The following CDH18 variants were observed in gnomAD, a reference collection of about 807,000 sequenced individuals.
The protein encoded by CDH18 is cadherin 18.
In CDH18, 31 loss-of-function variants were observed where a neutral mutation model predicts 67.9. That is an observed-to-expected ratio of 0.46 (90% CI 0.34 to 0.62). The LOEUF (loss-of-function observed/expected upper bound fraction) is 0.62. Ranked by LOEUF, CDH18 falls within the 20% of genes least tolerant of loss-of-function variation. The probability of loss-of-function intolerance (pLI) is 0.01; values close to 1 mark genes in which losing one functional copy is unlikely to be tolerated. For synonymous variants in CDH18, 362 were observed against 347.2 expected, an observed-to-expected ratio of 1.04 and a Z score of -0.48; for missense variants, 890 against 975.5, an observed-to-expected ratio of 0.91 and a Z score of 1.17.
In CDH18 at chr5:19,676,630, C is replaced by T. The variant is rs1446983; in HGVS notation, c.643+44717G>A. Among the ~76,000 whole-genome samples, 118 of 152,002 alleles carry T rather than the reference C, an allele frequency of 7.8e-4. No homozygotes were observed. In the East Asian group the frequency reaches 0.016, roughly 21 times the overall value. ...CAGGTAATGGTCTCATGAGCCCAGG[C>T]GTGCACATTAAGAGAAAAAATGGCA... On this transcript the variant is annotated intron_variant, in intron 5 of 12. Coordinates refer to ENST00000382275, the MANE Select transcript of CDH18 (RefSeq NM_004934.5).
rs1285060512 is a variant in CDH18 at position 20,218,392 on chromosome 5, A to G, written c.-518+37052T>C. Among the ~76,000 whole-genome samples the G allele has an allele frequency of 2.0e-5, 3 of 152,104 alleles. No homozygotes were observed. The East Asian group carries it at 5.8e-4, about 29-fold the overall frequency. ...TTGGAAACTATGCAAATACATGGAA[A>G]TTAAACAATATACTCCTGAATGACC... On this transcript the variant is annotated intron_variant, in intron 2 of 14. Transcript: ENST00000507958.
chr5:19,937,323 T>G (rs1295425292), intron 2 of CDH18, among the ~76,000 whole-genome samples: 1 of 151,334 alleles, frequency 6.6e-6, no homozygotes. Flanking sequence ...TAATATGAAC[T>G]GGCATTCTCA....
At chr5:19,491,116 G>C (rs548501151) in intron 11 of CDH18, among the ~76,000 whole-genome samples, 14 of 152,268 alleles carry the variant, frequency 9.2e-5, no homozygotes. Flanking sequence ...ATTCTCTCAA[G>C]GTGCATCTGG....
At chr5:19,758,836 T>C (rs1771973711) in intron 3 of CDH18, among the ~76,000 whole-genome samples, 1 of 152,224 alleles carries the variant, frequency 6.6e-6, no homozygotes, top group African/African-American at 2.4e-5. Context: ...GTCTCACCAA[T>C]AAGTCCACTG....
At chr5:19,674,965 T>A (rs189568119) in intron 5 of CDH18, among the ~76,000 whole-genome samples, 7 of 152,234 alleles carry the variant, frequency 4.6e-5, no homozygotes, top group Non-Finnish European at 7.4e-5. Flanking sequence ...TGGGTCCTTT[T>A]CTATTTTCCC....
At chr5:20,178,452 T>A (rs1039492314) in intron 2 of CDH18, among the ~76,000 whole-genome samples, 1 of 151,844 alleles carries the variant, frequency 6.6e-6, no homozygotes, top group East Asian at 1.9e-4. Context: ...TCCTTTCCAC[T>A]GCTAGCTAAT....
chr5:19,870,952 T>TATC (rs1167290078), intron 2 of CDH18, among the ~76,000 whole-genome samples: 1 of 152,162 alleles, frequency 6.6e-6, no homozygotes, highest in Non-Finnish European at 1.5e-5. Flanking sequence ...TTATTATTAT[T>TATC]ATCATCATCT....
intron 2 of CDH18, among the ~76,000 whole-genome samples, chr5:19,949,309 C>A (rs1369897856): frequency 1.3e-5 from 2 of 151,996 alleles, no homozygotes; most frequent in Non-Finnish European, 2.9e-5. Context: ...TAACAGAAAC[C>A]CATCTAGGTA....
chr5:19,603,066 A>G (rs1041987002), intron 6 of CDH18, among the ~76,000 whole-genome samples: 5 of 152,236 alleles, frequency 3.3e-5, no homozygotes, highest in African/African-American at 1.2e-4. Context: ...TGTTACACCC[A>G]TATTCACAGC....
chr5:20,575,242 AT>A (rs1009957395), intron 1 of CDH18, among the ~76,000 whole-genome samples: 2 of 151,494 alleles, frequency 1.3e-5, no homozygotes, highest in African/African-American at 4.8e-5. Context: ...TAGTGACCTT[AT>A]TTTTGAAAAA....
chr5:20,046,714 G>A lies in CDH18; in HGVS notation c.-517-54700C>T, dbSNP rs759677067. On this transcript the variant is annotated intron_variant, in intron 2 of 14. Coordinates refer to the CDH18 transcript ENST00000507958. ...TCTATATATATATAATCAAAGATGAGGAAGTCAACACATGAAATGTTTAAT... is the reference window on the plus strand; with the variant it reads ...TCTATATATATATAATCAAAGATGAAGAAGTCAACACATGAAATGTTTAAT... Among the ~76,000 whole-genome samples, 17 of 150,500 alleles carry A rather than the reference G, an allele frequency of 1.1e-4. 1 individual carries two copies. The highest frequency in any genetic ancestry group is 1.8e-4 in the Non-Finnish European group (12 of 67,556).
intron 2 of CDH18, among the ~76,000 whole-genome samples, chr5:19,954,000 A>G (rs1444875277): frequency 1.3e-5 from 2 of 152,210 alleles, no homozygotes; most frequent in Admixed American, 6.5e-5. Flanking sequence ...TTATAGCCAT[A>G]CAATTCAGAT....
At chr5:20,358,932 CTTTTTTTT>C (rs66786530) in intron 1 of CDH18, among the ~76,000 whole-genome samples, 1 of 128,180 alleles carries the variant, frequency 7.8e-6, no homozygotes, top group Admixed American at 8.2e-5. Flanking sequence ...TTTTTTCTTT[CTTTTTTTT>C]TTTTTTTTTG....
intron 5 of CDH18, among the ~76,000 whole-genome samples, chr5:19,651,849 C>G (rs1580705351): frequency 6.6e-6 from 1 of 152,068 alleles, no homozygotes; most frequent in Non-Finnish European, 1.5e-5. Flanking sequence ...GGTTCACTCT[C>G]AGTCTTACTT....
intron 11 of CDH18, among the ~76,000 whole-genome samples, chr5:19,496,147 G>T (rs926086113): frequency 1.3e-5 from 2 of 152,148 alleles, no homozygotes; most frequent in Admixed American, 6.6e-5. Flanking sequence ...TAAAGCTAAA[G>T]GCCACTGTGA....
At chr5:20,491,054 T>C (rs1471850871) in intron 1 of CDH18, among the ~76,000 whole-genome samples, 1 of 152,096 alleles carries the variant, frequency 6.6e-6, no homozygotes, top group Non-Finnish European at 1.5e-5. Flanking sequence ...TTTAAATACA[T>C]ATGCAATTTT....
At chr5:19,765,881 A>ATTTT (rs59404348) in intron 3 of CDH18, among the ~76,000 whole-genome samples, 2 of 148,780 alleles carry the variant, frequency 1.3e-5, no homozygotes, top group Non-Finnish European at 3.0e-5. Context: ...TTCAAAAAAC[A>ATTTT]TTTTTTTTTT....
intron 1 of CDH18, among the ~76,000 whole-genome samples, chr5:20,545,014 G>T (rs1386749424): frequency 1.3e-5 from 2 of 152,212 alleles, no homozygotes; most frequent in South Asian, 2.1e-4. Flanking sequence ...CCAAATGAAA[G>T]AAATTGGCCA....
chr5:19,528,505 T>C (rs1347042781), intron 9 of CDH18, among the ~76,000 whole-genome samples: 1 of 151,650 alleles, frequency 6.6e-6, no homozygotes, highest in Non-Finnish European at 1.5e-5. Flanking sequence ...AATAATGATA[T>C]ATATATTTTA....
Sources: gnomAD v4.1 joint callset for allele counts (sites outside exome capture counted in the v4.1 genomes callset) on GRCh38, gnomAD v4.1.1 for gene constraint, MANE v1.5 for transcripts, NCBI Gene and HGNC (gene_info 2026-07-23, HGNC 2026-07-21) for gene names.